DUSP18: variants seen among roughly 807,000 people sequenced by gnomAD.
DUSP18 encodes dual specificity phosphatase 18, also known as dual specificity protein phosphatase 18.
In DUSP18, 4 loss-of-function variants were observed where a neutral mutation model predicts 6.3. The observed-to-expected ratio is 0.63, with a 90% CI of 0.31 to 1.45. The LOEUF (loss-of-function observed/expected upper bound fraction) is 1.45, where lower values mean the gene tolerates loss of function less well. DUSP18 is among the 40% of genes most tolerant of loss of function. The probability of loss-of-function intolerance (pLI) is 0.07; values close to 1 mark genes in which losing one functional copy is unlikely to be tolerated. For missense variants in DUSP18, 235 were observed against 247.7 expected (o/e 0.95, Z 0.34); for synonymous variants, 96 against 95.1 (o/e 1.01, Z -0.05).
downstream of DUSP18, among the ~76,000 whole-genome samples, chr22:30,659,168 G>C (rs1043528154): frequency 6.7e-6 from 1 of 148,490 alleles, no homozygotes; most frequent in African/African-American, 2.5e-5. Flanking sequence ...ACTGATACTG[G>C]AACTACAATA....
At chr22:30,658,326 G>A (rs2088387405), downstream of DUSP18, among the ~76,000 whole-genome samples, 1 of 150,484 alleles carries the variant, frequency 6.6e-6, no homozygotes, top group Admixed American at 6.6e-5. Context: ...ATCACTTGAG[G>A]CCAGGAGTTT....
In DUSP18 at chr22:30,663,528, A is replaced by G. The variant is rs745697186; in HGVS notation, c.476T>C (p.Phe159Ser). The change falls in exon 2 of 2, where the codon TTT (phenylalanine) becomes TCT (serine). Residue 159 changes from phenylalanine to serine, a missense_variant. Phe to Ser is a radical substitution (Grantham distance 155). Transcript: ENST00000334679. ...GACCATGTGCACAGTGTTCTTGCCA[A>G]ACAATTGGAACTCATAGTGGATGAG... is the stretch of plus-strand genomic sequence containing the variant. ...EQLIHYEFQL[F>S]GKNTVHMVSS... 1 of 1,614,198 alleles carries G rather than the reference A, an allele frequency of 6.2e-7. No individual in the cohort carries two copies. Among genetic ancestry groups the G allele is most frequent in the Admixed American group, 1.7e-5 (1 of 60,030 alleles).
chr22:30,666,644 A>AAAAAC, intron 1 of DUSP18, among the ~76,000 whole-genome samples: 1 of 151,204 alleles, frequency 6.6e-6, no homozygotes, highest in Non-Finnish European at 1.5e-5. Context: ...AAAAAAAAAA[A>AAAAAC]AAGCAATCTC....
Position 30,664,040 on chromosome 22 carries a change from A to G in DUSP18, c.-37T>C, listed in dbSNP as rs763887554. The G allele has an allele frequency of 1.3e-6, 2 of 1,569,670 alleles. No individual in the cohort carries two copies. Among genetic ancestry groups the G allele is most frequent in the Non-Finnish European group, 1.7e-6 (2 of 1,150,440 alleles). On this transcript the variant is annotated 5_prime_UTR_variant, in exon 2 of 2. Transcript: ENST00000334679. Reference sequence around the variant, plus strand: ...GTCAGTGGTCAGCAGTCAGCGAAGCACGAAGGCTGCGTCTTTCTGCTAGGC... The same window carrying G: ...GTCAGTGGTCAGCAGTCAGCGAAGCGCGAAGGCTGCGTCTTTCTGCTAGGC...
In DUSP18 at chr22:30,662,033, T is replaced by TC. The variant is rs2088488374; in HGVS notation, c.*1403_*1404insG. 1 of 150,048 alleles carries TC rather than the reference T, an allele frequency of 6.7e-6. No homozygotes were observed. Among genetic ancestry groups the TC allele is most frequent in the Non-Finnish European group, 1.5e-5 (1 of 67,394 alleles). 9.3% of individuals were successfully genotyped at this position (150,048 alleles called of 1,614,324 possible). A position where few individuals can be genotyped will look rare whatever the true frequency, so the allele number is the denominator to read the frequency against. ...AGGGTCTGAAAGGACTTAAACCATT[T>TC]TTTTTTTTTTTTTTTTTTACACACA... is the stretch of plus-strand genomic sequence containing the variant. On this transcript the variant is annotated 3_prime_UTR_variant, in exon 2 of 2. Transcript: ENST00000334679.
chr22:30,659,144 A>AG (rs1569066154), downstream of DUSP18, among the ~76,000 whole-genome samples: 1 of 141,920 alleles, frequency 7.0e-6, no homozygotes, highest in Non-Finnish European at 1.5e-5. Context: ...AAAAAAAAAA[A>AG]AAGAAGAAAC....
chr22:30,663,780 G>C lies in DUSP18; in HGVS notation c.224C>G (p.Pro75Arg), dbSNP rs754864537. 1 of 1,614,218 alleles carries C rather than the reference G, an allele frequency of 6.2e-7. No homozygotes were observed. Among genetic ancestry groups the C allele is most frequent in the African/African-American group, 1.3e-5 (1 of 75,068 alleles). The change falls in exon 2 of 2, where the codon CCT becomes CGT. Residue 75 changes from proline (P) to arginine (R), a missense_variant. By Grantham distance (103) the Pro-to-Arg change is moderately radical (BLOSUM62 -2). Transcript: ENST00000334679. ...AAAGAAGTCACAGAGACGTGAGTTAGGGGAGTCAGCCACAGGTACCTGCAT... is the reference window on the plus strand; with the variant it reads ...AAAGAAGTCACAGAGACGTGAGTTACGGGAGTCAGCCACAGGTACCTGCAT... ...QYMQVPVADS[P>R]NSRLCDFFDP...
Position 30,663,962 on chromosome 22 carries a change from C to T in DUSP18, c.42G>A (p.Gln14=), listed in dbSNP as rs1223034869. 1 of 1,614,040 alleles carries T rather than the reference C, an allele frequency of 6.2e-7. No homozygotes were observed. Among genetic ancestry groups the T allele is most frequent in the African/African-American group, 1.3e-5 (1 of 74,910 alleles). ...PSCAFPVQFR[Q]PSVSGLSQIT... is the part of the protein sequence containing the mutation. ...TCTGCGAGAGGCCGCTGACTGAGGG[C>T]TGCCGGAACTGAACTGGGAAGGCAC... The change falls in exon 2 of 2, where the codon CAG becomes CAA. Residue 14 remains glutamine (Q), a synonymous_variant. Coordinates refer to ENST00000334679, the MANE Select transcript of DUSP18 (RefSeq NM_152511.5).
intron 1 of DUSP18, among the ~76,000 whole-genome samples, chr22:30,666,464 A>G (rs938224825): frequency 6.6e-6 from 1 of 152,082 alleles, no homozygotes; most frequent in Non-Finnish European, 1.5e-5. Context: ...TCTACTAAAA[A>G]TACAAAAATT....
chr22:30,659,123 CAAAAAAAAAAAAAA>C (rs35939188), downstream of DUSP18, among the ~76,000 whole-genome samples: 3 of 104,748 alleles, frequency 2.9e-5, no homozygotes, highest in African/African-American at 1.2e-4. Context: ...GACTCCATCT[CAAAAAAAAAAAAAA>C]AAAAAAAAAG....
At chr22:30,661,072 C>G (rs1444973852), downstream of DUSP18, among the ~76,000 whole-genome samples, 4 of 152,142 alleles carry the variant, frequency 2.6e-5, no homozygotes, top group Admixed American at 6.6e-5. Flanking sequence ...AACACTTGAC[C>G]TCAAGTGATC....
chr22:30,666,860 A>G (rs758952132), intron 1 of DUSP18: 16 of 152,212 alleles, frequency 1.1e-4, no homozygotes, highest in Admixed American at 2.0e-4. Context: ...GAGTTTTCTC[A>G]GGGCTTGGCA....
At chr22:30,652,219 T>C (rs771584853) in exon 3 of DUSP18, 3 of 152,094 alleles carry the variant, frequency 2.0e-5, no homozygotes, top group African/African-American at 4.8e-5. Context: ...GCCCAGTCAG[T>C]TCCTGGGTGG....
chr22:30,664,710 C>T (rs1191347454), intron 1 of DUSP18, among the ~76,000 whole-genome samples: 4 of 152,240 alleles, frequency 2.6e-5, no homozygotes, highest in East Asian at 1.9e-4. Flanking sequence ...TATGCCCATG[C>T]GAAGCTGATG....
chr22:30,654,623 G>C (rs530418778), intron 2 of DUSP18: 5 of 460,240 alleles, frequency 1.1e-5, no homozygotes, highest in Admixed American at 5.0e-5. Context: ...TAGGTGCCTC[G>C]GGAAGGGTTG....
intron 2 of DUSP18, among the ~76,000 whole-genome samples, chr22:30,652,727 T>C (rs1177132572): frequency 6.6e-6 from 1 of 152,228 alleles, no homozygotes; most frequent in Non-Finnish European, 1.5e-5. Flanking sequence ...GCCCCTTGAG[T>C]GTCCTCAACA....
At chr22:30,656,802 A>G (rs2088346790), downstream of DUSP18, among the ~76,000 whole-genome samples, 1 of 152,150 alleles carries the variant, frequency 6.6e-6, no homozygotes, top group Non-Finnish European at 1.5e-5. Flanking sequence ...CCAATTCTGA[A>G]TATTTAAAAA....
Position 30,663,682 on chromosome 22 carries a change from C to T in DUSP18, c.322G>A (p.Val108Met), listed in dbSNP as rs757467853. 3.1e-6 allele frequency: 5 copies of T among 1,614,116 alleles called. No individual in the cohort carries two copies. Among genetic ancestry groups the T allele is most frequent in the East Asian group, 2.2e-5 (1 of 44,902 alleles). ...AGGCACAGGGCAGCTGAGCGGCTCA[C>T]ACCAGCAGCACAGTGCAGCAAAGTA... is the stretch of plus-strand genomic sequence containing the variant. ...GRTLLHCAAG[V>M]SRSAALCLAY... Residue 108 changes from valine (V) to methionine (M), a missense_variant, in exon 2 of 2, where the codon GTG becomes ATG. Transcript: ENST00000334679.
In DUSP18 at chr22:30,663,656, G is replaced by A. The variant is rs368849519; in HGVS notation, c.348C>T (p.Leu116=). 10 of 1,614,084 alleles carry A rather than the reference G, an allele frequency of 6.2e-6. No homozygotes were observed. Among genetic ancestry groups the A allele is most frequent in the African/African-American group, 1.3e-5 (1 of 74,924 alleles). The change falls in exon 2 of 2, where the codon CTC becomes CTT. Residue 116 remains leucine (L), a synonymous_variant. Coordinates refer to ENST00000334679, the MANE Select transcript of DUSP18 (RefSeq NM_152511.5). ...AGVSRSAALC[L]AYLMKYHAMS... ...TGGCGTGGTACTTCATGAGGTAGGC[G>A]AGGCACAGGGCAGCTGAGCGGCTCA... is the stretch of plus-strand genomic sequence containing the variant.
Sources: allele counts gnomAD v4.1 joint callset (sites outside exome capture counted in the v4.1 genomes callset), GRCh38; gene constraint gnomAD v4.1.1; transcripts MANE v1.5; gene names NCBI Gene and HGNC (gene_info 2026-07-23, HGNC 2026-07-21).